The following ATP2B4 variants were observed in gnomAD, a reference collection of about 807,000 sequenced individuals.
ATP2B4 encodes ATPase plasma membrane Ca2+ transporting 4.
A neutral mutation model predicts 110.3 loss-of-function variants in ATP2B4; 39 were observed. The ratio of observed to expected loss-of-function variants is 0.35; its 90% CI spans 0.27 to 0.46. The LOEUF is 0.46. Among genes scored for constraint, ATP2B4 ranks in the 20% least tolerant of loss-of-function variants. ATP2B4 has a pLI of 1.00. For missense variants in ATP2B4, 1,135 were observed against 1,530.9 expected (o/e 0.74, Z 4.32); for synonymous variants, 538 against 571.7 (o/e 0.94, Z 0.84).
At chr1:203,645,890 T>C (rs1216533205) in intron 1 of ATP2B4, among the ~76,000 whole-genome samples, 2 of 151,816 alleles carry the variant, frequency 1.3e-5, no homozygotes, top group Non-Finnish European at 2.9e-5. Flanking sequence ...TGCCCGGCCG[T>C]ATATTGCCTT....
Position 203,723,407 on chromosome 1 carries a change from G to A in ATP2B4, c.3025-474G>A, listed in dbSNP as rs1210573523. ...TTTTCTTTTTGTTTTTTTTTTTTTCGTTTGAGACAGATATCTCTCTCTCTC... is the reference window on the plus strand; with the variant it reads ...TTTTCTTTTTGTTTTTTTTTTTTTCATTTGAGACAGATATCTCTCTCTCTC... On this transcript the variant is annotated intron_variant, in intron 18 of 20. Coordinates refer to ENST00000357681, the MANE Select transcript of ATP2B4 (RefSeq NM_001684.5). 1.4e-4 allele frequency among the ~76,000 whole-genome samples: 5 copies of A among 34,570 alleles called. No individual in the cohort carries two copies. In the East Asian group the frequency reaches 2.6e-3, roughly 18 times the overall value. The allele number at this position is 34,570 out of a possible 152,430, so 22.7% of individuals were successfully genotyped here.
chr1:203,741,735 G>A lies in ATP2B4; in HGVS notation c.*1881G>A, dbSNP rs747947787. ...ATGACTACATAATCCATCATCGTAG[G>A]AAATAGGAAAGCAAATTTGATTTTG... On this transcript the variant is annotated 3_prime_UTR_variant, in exon 21 of 21. Transcript: ENST00000357681. 4.6e-5 allele frequency: 7 copies of A among 152,570 alleles called. No homozygotes were observed. Among genetic ancestry groups the A allele is most frequent in the Non-Finnish European group, 8.8e-5 (6 of 68,046 alleles). 9.5% of individuals were successfully genotyped at this position (152,570 alleles called of 1,614,324 possible).
chr1:203,632,565 G>C (rs1389186384), intron 1 of ATP2B4, among the ~76,000 whole-genome samples: 2 of 151,416 alleles, frequency 1.3e-5, no homozygotes, highest in Non-Finnish European at 2.9e-5. Context: ...GGATGGTTTC[G>C]ATCTCCCGAC....
At chr1:203,709,111 C>A (rs911520052) in intron 10 of ATP2B4, among the ~76,000 whole-genome samples, 190 bp from the exon 11 acceptor site, 1 of 151,936 alleles carries the variant, frequency 6.6e-6, no homozygotes, top group Non-Finnish European at 1.5e-5. Context: ...GAGCCAAGGT[C>A]GTGCCACTGC....
intron 1 of ATP2B4, among the ~76,000 whole-genome samples, chr1:203,642,974 C>T (rs1282708634): frequency 6.6e-6 from 1 of 152,112 alleles, no homozygotes; most frequent in African/African-American, 2.4e-5. Context: ...CTTCCTTTTC[C>T]ATGGAGCCTG....
In ATP2B4 at chr1:203,703,500, T is replaced by A. The variant is rs956961109; in HGVS notation, c.938-152T>A. ...AATAGAGTGTTGAAGGCAAGTTCCA[T>A]GTCTAGCATGGGTTGGAAGTGGTCG... On this transcript the variant is annotated intron_variant, in intron 7 of 20. Coordinates refer to ENST00000357681, the MANE Select transcript of ATP2B4 (RefSeq NM_001684.5). 103 of 794,802 alleles carry A rather than the reference T, an allele frequency of 1.3e-4. No individual in the cohort carries two copies. In the East Asian group the frequency reaches 2.5e-3, roughly 19 times the overall value. The allele number at this position is 794,802 out of a possible 1,614,324, so 49.2% of individuals were successfully genotyped here.
intron 2 of ATP2B4, among the ~76,000 whole-genome samples, chr1:203,689,255 A>G (rs543914836): frequency 1.3e-5 from 2 of 152,352 alleles, no homozygotes; most frequent in African/African-American, 4.8e-5. Context: ...CTTAGTCTCA[A>G]TACCCTTTTG....
At chr1:203,704,545 A>G (rs1665793128) in intron 8 of ATP2B4, among the ~76,000 whole-genome samples, 2 of 126,886 alleles carry the variant, frequency 1.6e-5, no homozygotes, top group Admixed American at 1.0e-4. Context: ...CAGTGGCACC[A>G]TCTCAGCTCA....
chr1:203,685,540 CTT>C (rs10594838), intron 2 of ATP2B4, among the ~76,000 whole-genome samples: 126,525 of 152,028 alleles, frequency 0.83, 53,483 homozygotes, highest in East Asian at 1. Context: ...AGCCTAGACT[CTT>C]TAGGATGAAA....
chr1:203,739,504 CCTCT>C, intron 20 of ATP2B4, 38 bp from the exon 21 acceptor site: 1 of 1,573,300 alleles, frequency 6.4e-7, no homozygotes, highest in East Asian at 2.2e-5. Context: ...CCAATTCTCA[CCTCT>C]CTATTTTCTC....
chr1:203,657,222 C>T lies in ATP2B4; in HGVS notation c.-464-25520C>T, dbSNP rs564641334. On this transcript the variant is annotated intron_variant, in intron 1 of 20. Transcript: ENST00000357681. ...GTAATACATGGGCTTTCTTGAAATGCATATTGGCCTGATCAGTCTTTCTTA... is the reference window on the plus strand; with the variant it reads ...GTAATACATGGGCTTTCTTGAAATGTATATTGGCCTGATCAGTCTTTCTTA... 1.2e-4 allele frequency: 90 copies of T among 728,642 alleles called. 1 individual carries two copies. Among genetic ancestry groups the T allele is most frequent in the South Asian group, 8.4e-4 (53 of 63,192 alleles). 45.1% of individuals were successfully genotyped at this position (728,642 alleles called of 1,614,324 possible).
At chr1:203,638,161 A>T (rs772748132) in intron 1 of ATP2B4, among the ~76,000 whole-genome samples, 10 of 152,068 alleles carry the variant, frequency 6.6e-5, no homozygotes, top group Non-Finnish European at 1.5e-4. Flanking sequence ...TGCTGCTACC[A>T]CCCGACTGAG....
chr1:203,630,369 C>CTCTT (rs1491269546), intron 1 of ATP2B4, among the ~76,000 whole-genome samples: 1 of 14,958 alleles, frequency 6.7e-5, no homozygotes, highest in African/African-American at 1.1e-4. Context: ...CTCTCTCTCT[C>CTCTT]TTTTTTTTTT....
At chr1:203,705,141 A>C (rs1665814207) in intron 8 of ATP2B4, among the ~76,000 whole-genome samples, 1 of 152,250 alleles carries the variant, frequency 6.6e-6, no homozygotes, top group Non-Finnish European at 1.5e-5. Flanking sequence ...CACATGTGCT[A>C]GTAGTGGCTG....
intron 1 of ATP2B4, among the ~76,000 whole-genome samples, chr1:203,637,756 T>C (rs1426705449): frequency 6.6e-6 from 1 of 152,250 alleles, no homozygotes; most frequent in African/African-American, 2.4e-5. Context: ...CCAGGGAAGC[T>C]GCCCAAGGTA....
intron 2 of ATP2B4, among the ~76,000 whole-genome samples, chr1:203,693,013 G>C (rs750275113): frequency 6.6e-6 from 1 of 152,182 alleles, no homozygotes; most frequent in African/African-American, 2.4e-5. Context: ...TGTTCTTGAG[G>C]ACAAGATTTC....
chr1:203,734,475 G>A (rs1019128783), intron 20 of ATP2B4, among the ~76,000 whole-genome samples: 1 of 152,194 alleles, frequency 6.6e-6, no homozygotes, highest in African/African-American at 2.4e-5. Context: ...AGGAGGCCGA[G>A]GTGGGCGGAT....
intron 1 of ATP2B4, chr1:203,657,697 C>A: frequency 1.3e-6 from 1 of 759,612 alleles, no homozygotes; most frequent in South Asian, 1.4e-5. Context: ...CTTTTCTTCT[C>A]ATGGTAATCC....
intron 1 of ATP2B4, among the ~76,000 whole-genome samples, chr1:203,650,417 G>T (rs1326627443): frequency 6.6e-6 from 1 of 152,196 alleles, no homozygotes; most frequent in South Asian, 2.1e-4. Context: ...TGCTTGGCTG[G>T]CTGGGTCGAG....
Sources: gnomAD v4.1 joint callset for allele counts (sites outside exome capture counted in the v4.1 genomes callset) on GRCh38, gnomAD v4.1.1 for gene constraint, MANE v1.5 for transcripts, NCBI Gene and HGNC (gene_info 2026-07-23, HGNC 2026-07-21) for gene names.